Variants in PCBP3 observed in about 807,000 individuals in gnomAD.
The protein encoded by PCBP3 is poly(rC) binding protein 3.
Under a neutral mutation model 52.7 loss-of-function variants are expected in PCBP3, and 25 were observed. The observed-to-expected ratio is 0.47, with a 90% CI of 0.35 to 0.66. PCBP3 has a LOEUF of 0.66. Ranked by LOEUF, PCBP3 falls within the 30% of genes least tolerant of loss-of-function variation. The probability of loss-of-function intolerance (pLI) is 0.01; values close to 1 mark genes in which losing one functional copy is unlikely to be tolerated. For synonymous variants in PCBP3, 162 were observed against 183.0 expected (o/e 0.89, Z 0.93); for missense variants, 391 against 490.3 (o/e 0.80, Z 1.91).
chr21:45,871,281 G>T (rs1392566996), intron 5 of PCBP3: 2 of 158,460 alleles, frequency 1.3e-5, no homozygotes, highest in African/African-American at 2.5e-5. Context: ...TCCAGTGCCC[G>T]GGAGAGACGG....
At chr21:45,931,812 T>C (rs574769349) in intron 15 of PCBP3, among the ~76,000 whole-genome samples, 167 of 143,334 alleles carry the variant, frequency 1.2e-3, no homozygotes, top group Non-Finnish European at 2.0e-3. Flanking sequence ...CTGAGATGAA[T>C]GAACACCTGG....
chr21:45,718,961 A>G (rs1569148513), intron 2 of PCBP3, among the ~76,000 whole-genome samples: 1 of 152,188 alleles, frequency 6.6e-6, no homozygotes, highest in Non-Finnish European at 1.5e-5. Flanking sequence ...CTGCCTATTC[A>G]TCTGATATCA....
At chr21:45,861,806 C>G (rs1255081867) in intron 5 of PCBP3, among the ~76,000 whole-genome samples, 1 of 152,154 alleles carries the variant, frequency 6.6e-6, no homozygotes, top group East Asian at 1.9e-4. Context: ...AAGAGAGAGA[C>G]AGAACGGGAT....
At chr21:45,700,979 C>T (rs2083089807) in intron 2 of PCBP3, among the ~76,000 whole-genome samples, 1 of 152,204 alleles carries the variant, frequency 6.6e-6, no homozygotes, top group Non-Finnish European at 1.5e-5. Context: ...CTCAGAACAG[C>T]ACAGTGTCCC....
intron 16 of PCBP3, among the ~76,000 whole-genome samples, chr21:45,938,753 A>T (rs1023968057): frequency 1.3e-5 from 2 of 152,188 alleles, no homozygotes; most frequent in African/African-American, 4.8e-5. Flanking sequence ...GGATATCTAC[A>T]AAGACTGAGG....
intron 4 of PCBP3, among the ~76,000 whole-genome samples, chr21:45,792,097 G>A (rs1328168475): frequency 1.3e-5 from 2 of 152,284 alleles, no homozygotes; most frequent in Non-Finnish European, 2.9e-5. Context: ...GCCACCCTTC[G>A]CAGGGCCAGG....
At chr21:45,932,895 A>T (rs556646420) in intron 15 of PCBP3, among the ~76,000 whole-genome samples, 1 of 151,400 alleles carries the variant, frequency 6.6e-6, no homozygotes, top group African/African-American at 2.4e-5. Flanking sequence ...CCGTCATGAG[A>T]TGAATAAACA....
At chr21:45,864,417 T>C (rs1406692382) in intron 5 of PCBP3, among the ~76,000 whole-genome samples, 1 of 152,238 alleles carries the variant, frequency 6.6e-6, no homozygotes, top group Non-Finnish European at 1.5e-5. Context: ...TTCTGTGTGA[T>C]GAAGCCATCA....
intron 3 of PCBP3, chr21:45,748,182 C>T (rs2087081678): frequency 6.6e-6 from 1 of 152,550 alleles, no homozygotes; most frequent in African/African-American, 2.4e-5. Flanking sequence ...TACAAATGCA[C>T]CATCCATTCA....
Position 45,790,810 on chromosome 21 carries a change from C to T in PCBP3, c.-126+35358C>T, listed in dbSNP as rs140199357. ...GGGTCTTGAGCAGTTTTAGACTTGG[C>T]GGGCAACAAAAGCAAAAGTGGGGTG... On this transcript the variant is annotated intron_variant, in intron 4 of 17. Coordinates refer to ENST00000681687, the MANE Select transcript of PCBP3 (RefSeq NM_001384156.1). Among the ~76,000 whole-genome samples, 99 of 152,084 alleles carry T rather than the reference C, an allele frequency of 6.5e-4. 1 individual carries two copies. The East Asian group carries it at 0.017, about 26-fold the overall frequency.
intron 2 of PCBP3, chr21:45,673,695 A>G (rs1285381926): frequency 6.6e-6 from 1 of 152,212 alleles, no homozygotes; most frequent in Non-Finnish European, 1.5e-5. Context: ...CTCTCTGGGT[A>G]GAGAAGACAT....
intron 2 of PCBP3, among the ~76,000 whole-genome samples, chr21:45,695,421 G>T (rs2082711632): frequency 6.6e-6 from 1 of 152,150 alleles, no homozygotes; most frequent in Non-Finnish European, 1.5e-5. Context: ...ACTGCCCAGA[G>T]AGTCTCACAG....
chr21:45,727,077 T>C (rs1417883925), intron 2 of PCBP3, among the ~76,000 whole-genome samples: 1 of 152,234 alleles, frequency 6.6e-6, no homozygotes, highest in South Asian at 2.1e-4. Context: ...TTTTGTATCA[T>C]GCTTAAGAAT....
intron 5 of PCBP3, among the ~76,000 whole-genome samples, chr21:45,879,016 C>T (rs1464029078): frequency 6.6e-6 from 1 of 152,174 alleles, no homozygotes; most frequent in African/African-American, 2.4e-5. Context: ...GACAGGGTCT[C>T]ACTCTGTCAC....
At chr21:45,905,420 G>GC (rs1210487626) in intron 9 of PCBP3, among the ~76,000 whole-genome samples, 1 of 152,242 alleles carries the variant, frequency 6.6e-6, no homozygotes, top group African/African-American at 2.4e-5. Flanking sequence ...ACAAGTGCTG[G>GC]CAAGTGTGAT....
rs1347831483 is a variant in PCBP3, at chr21:45,876,556, C to T, written c.11-19652C>T. Among the ~76,000 whole-genome samples the T allele has an allele frequency of 2.0e-5, 3 of 152,170 alleles. No homozygotes were observed. The South Asian group carries it at 6.2e-4, about 32-fold the overall frequency. On this transcript the variant is annotated intron_variant, in intron 5 of 17. Coordinates refer to ENST00000681687, the MANE Select transcript of PCBP3 (RefSeq NM_001384156.1). Reference sequence around the variant, plus strand: ...GCCAGGCTGTGTAAGCCCTGGATGGCCTCCGAATGCCGCCTGTGACAGGCA... The same window carrying T: ...GCCAGGCTGTGTAAGCCCTGGATGGTCTCCGAATGCCGCCTGTGACAGGCA...
At chr21:45,826,869 G>A (rs1248139001) in intron 4 of PCBP3, among the ~76,000 whole-genome samples, 1 of 152,142 alleles carries the variant, frequency 6.6e-6, no homozygotes, top group Non-Finnish European at 1.5e-5. Context: ...GCTCTGCCTT[G>A]GCCAGACCTC....
chr21:45,918,078 AGT>A, intron 13 of PCBP3: 1 of 232,392 alleles, frequency 4.3e-6, no homozygotes, highest in Non-Finnish European at 8.6e-6. Flanking sequence ...CCCCTTTCAG[AGT>A]CCACATGAAA....
chr21:45,657,170 A>C (rs2080076779), intron 1 of PCBP3, among the ~76,000 whole-genome samples: 1 of 152,126 alleles, frequency 6.6e-6, no homozygotes, highest in Non-Finnish European at 1.5e-5. Flanking sequence ...TTATTTTGGT[A>C]ATACTGCATT....
Sources: gnomAD v4.1 joint callset for allele counts (sites outside exome capture counted in the v4.1 genomes callset) on GRCh38, gnomAD v4.1.1 for gene constraint, MANE v1.5 for transcripts, NCBI Gene and HGNC (gene_info 2026-07-23, HGNC 2026-07-21) for gene names.